The following AMOTL1 variants were observed in gnomAD, a reference collection of about 807,000 sequenced individuals.
AMOTL1 encodes angiomotin-like protein 1.
AMOTL1 carries 45 observed loss-of-function variants against 102.9 expected under a neutral mutation model. The observed-to-expected ratio is 0.44, with a 90% CI of 0.34 to 0.56. The LOEUF (loss-of-function observed/expected upper bound fraction) is 0.56. AMOTL1 is among the 20% of genes least tolerant of loss of function. AMOTL1 has a pLI of 0.01. For missense variants in AMOTL1, 1,114 were observed against 1,225.6 expected, an observed-to-expected ratio of 0.91 and a Z score of 1.36; for synonymous variants, 481 against 484.7, an observed-to-expected ratio of 0.99 and a Z score of 0.10.
At chr11:94,805,162 T>TA (rs1951547414) in intron 3 of AMOTL1, among the ~76,000 whole-genome samples, 1 of 152,254 alleles carries the variant, frequency 6.6e-6, no homozygotes, top group Non-Finnish European at 1.5e-5. Context: ...TTGGGGTCAC[T>TA]AAATCTGGTG....
chr11:94,869,108 A>G (rs1565389898), intron 11 of AMOTL1, 90 bp from the exon 12 acceptor site: 1 of 1,362,696 alleles, frequency 7.3e-7, no homozygotes, highest in South Asian at 1.6e-5. Flanking sequence ...TGAAGCAATC[A>G]TCAATCAACA....
At chr11:94,771,638 G>A (rs1293289328) in intron 1 of AMOTL1, among the ~76,000 whole-genome samples, 1 of 152,108 alleles carries the variant, frequency 6.6e-6, no homozygotes, top group Non-Finnish European at 1.5e-5. Flanking sequence ...TACTTTTGCT[G>A]GAAGGAAGCC....
chr11:94,764,663 G>A (rs747238844), upstream of AMOTL1, among the ~76,000 whole-genome samples: 46 of 152,218 alleles, frequency 3.0e-4, no homozygotes, highest in South Asian at 6.2e-4. Flanking sequence ...CCATTCTTAG[G>A]GCCCATTCAG....
At chr11:94,822,077 C>G (rs1296550708) in intron 4 of AMOTL1, among the ~76,000 whole-genome samples, 1 of 152,140 alleles carries the variant, frequency 6.6e-6, no homozygotes, top group East Asian at 1.9e-4. Flanking sequence ...GCAGAGGTGG[C>G]TCTTGACCGG....
rs1459718165 is a variant in AMOTL1, at chr11:94,873,620, C to T, written c.*2825C>T. On this transcript the variant is annotated 3_prime_UTR_variant, in exon 13 of 13. Transcript: ENST00000433060. ...GAAATGGGCTCAGAAAGGTTAAGTC[C>T]CTTCCTGAAATCTCACAGCCAGGAG... 1 of 152,170 alleles carries T rather than the reference C, an allele frequency of 6.6e-6. No individual in the cohort carries two copies. Among genetic ancestry groups the T allele is most frequent in the African/African-American group, 2.4e-5 (1 of 41,436 alleles). 9.4% of individuals were successfully genotyped at this position (152,170 alleles called of 1,614,324 possible). A position where few individuals can be genotyped will look rare whatever the true frequency, so the allele number is the denominator to read the frequency against.
intron 3 of AMOTL1, among the ~76,000 whole-genome samples, chr11:94,749,725 C>G (rs1202308866): frequency 1.3e-5 from 2 of 152,250 alleles, no homozygotes; most frequent in Non-Finnish European, 2.9e-5. Flanking sequence ...AATAATAGTA[C>G]TGACCGCAGC....
intron 1 of AMOTL1, among the ~76,000 whole-genome samples, chr11:94,786,676 C>T (rs888693190): frequency 3.9e-5 from 6 of 152,146 alleles, no homozygotes; most frequent in African/African-American, 1.4e-4. Flanking sequence ...TGGATCACAG[C>T]ACACTTGTAA....
chr11:94,837,858 C>T (rs1952216350), intron 6 of AMOTL1, among the ~76,000 whole-genome samples: 1 of 152,168 alleles, frequency 6.6e-6, no homozygotes, highest in South Asian at 2.1e-4. Flanking sequence ...AAAAATCAAG[C>T]ATCTTAAACT....
chr11:94,738,322 A>T (rs1033364160), intron 2 of AMOTL1, among the ~76,000 whole-genome samples: 1 of 149,730 alleles, frequency 6.7e-6, no homozygotes, highest in Non-Finnish European at 1.5e-5. Flanking sequence ...CAATGGCGTG[A>T]TCTCTGCTCA....
At chr11:94,790,275 T>A (rs1565352537) in intron 1 of AMOTL1, among the ~76,000 whole-genome samples, 1 of 152,236 alleles carries the variant, frequency 6.6e-6, no homozygotes, top group South Asian at 2.1e-4. Flanking sequence ...GTACACTGCC[T>A]GTCTTCAAAG....
intron 3 of AMOTL1, among the ~76,000 whole-genome samples, chr11:94,743,054 A>G (rs972561456): frequency 2.6e-5 from 4 of 152,186 alleles, no homozygotes; most frequent in Non-Finnish European, 5.9e-5. Context: ...GCGTGATGGG[A>G]ACCATGGGGT....
At chr11:94,731,334 G>A (rs1950347406) in intron 2 of AMOTL1, among the ~76,000 whole-genome samples, 1 of 152,072 alleles carries the variant, frequency 6.6e-6, no homozygotes. Flanking sequence ...ACTGTCAGTG[G>A]GTGAAGCACA....
intron 1 of AMOTL1, among the ~76,000 whole-genome samples, chr11:94,775,251 A>G (rs1336810032): frequency 2.0e-5 from 3 of 152,230 alleles, no homozygotes; most frequent in African/African-American, 7.2e-5. Context: ...TAACGATTGC[A>G]TAGACATATG....
chr11:94,787,789 T>C (rs1951218443), intron 1 of AMOTL1, among the ~76,000 whole-genome samples: 1 of 150,106 alleles, frequency 6.7e-6, no homozygotes, highest in Non-Finnish European at 1.5e-5. Flanking sequence ...AAAATAAGTC[T>C]ATCAGAGATT....
chr11:94,760,078 A>C (rs919557961), intron 3 of AMOTL1, among the ~76,000 whole-genome samples: 6 of 152,358 alleles, frequency 3.9e-5, no homozygotes, highest in African/African-American at 1.4e-4. Flanking sequence ...GATACAGCTA[A>C]AGTTTAAGAA....
intron 5 of AMOTL1, among the ~76,000 whole-genome samples, chr11:94,830,791 C>G (rs1952053897): frequency 1.3e-5 from 2 of 152,236 alleles, no homozygotes; most frequent in South Asian, 4.1e-4. Flanking sequence ...TTCAGCCAAG[C>G]CATTTTCAGT....
At chr11:94,823,765 G>A (rs1335418081) in intron 4 of AMOTL1, among the ~76,000 whole-genome samples, 4 of 151,054 alleles carry the variant, frequency 2.6e-5, no homozygotes, top group Admixed American at 1.3e-4. Flanking sequence ...TGCCAGGTTG[G>A]AGTGCAGTGG....
chr11:94,762,237 C>T (rs1950802557), intron 3 of AMOTL1, among the ~76,000 whole-genome samples: 1 of 152,200 alleles, frequency 6.6e-6, no homozygotes, highest in Non-Finnish European at 1.5e-5. Flanking sequence ...CAATTAGATT[C>T]ACCCAGTATC....
chr11:94,750,322 C>T (rs183551085), intron 3 of AMOTL1, among the ~76,000 whole-genome samples: 136 of 152,236 alleles, frequency 8.9e-4, no homozygotes, highest in African/African-American at 3.2e-3. Context: ...TGCTCCATGC[C>T]CTCTCTTCTC....
Sources: allele counts gnomAD v4.1 joint callset (sites outside exome capture counted in the v4.1 genomes callset), GRCh38; gene constraint gnomAD v4.1.1; transcripts MANE v1.5; gene names NCBI Gene and HGNC (gene_info 2026-07-23, HGNC 2026-07-21).